Variants in PACRG observed in about 807,000 individuals in gnomAD.
PACRG encodes parkin coregulated gene protein.
In PACRG, 29 loss-of-function variants were observed where a neutral mutation model predicts 29.7. The observed-to-expected ratio is 0.98, with a 90% CI of 0.73 to 1.33. The LOEUF is 1.33. Among genes scored for constraint, PACRG ranks in the 40% most tolerant of loss-of-function variants. The pLI is 0.00. For synonymous variants in PACRG, 116 were observed against 118.7 expected (o/e 0.98, Z 0.15); for missense variants, 279 against 316.2 (o/e 0.88, Z 0.89).
chr6:162,962,223 A>G (rs1352213954), intron 2 of PACRG, among the ~76,000 whole-genome samples: 2 of 152,108 alleles, frequency 1.3e-5, no homozygotes, highest in East Asian at 1.9e-4. Context: ...GTCCATCTCT[A>G]TGCCTAATGC....
chr6:162,827,992 T>C (rs934808571), intron 2 of PACRG, among the ~76,000 whole-genome samples: 2 of 152,190 alleles, frequency 1.3e-5, no homozygotes, highest in African/African-American at 4.8e-5. Context: ...GCAGAAGAAC[T>C]GGAGCAGGGT....
intron 2 of PACRG, among the ~76,000 whole-genome samples, chr6:163,054,995 T>C (rs1810430502): frequency 1.3e-5 from 2 of 152,228 alleles, no homozygotes; most frequent in South Asian, 2.1e-4. Context: ...ACCAGGTCAA[T>C]TGTGCTGTGC....
intron 2 of PACRG, among the ~76,000 whole-genome samples, chr6:162,816,378 A>T (rs1787339919): frequency 6.6e-6 from 1 of 152,152 alleles, no homozygotes; most frequent in Non-Finnish European, 1.5e-5. Context: ...TTTGAGACGG[A>T]GTCTCGCTCT....
In PACRG at chr6:162,779,514, T is replaced by G. The variant is rs1281556847; in HGVS notation, c.157-34633T>G. ...AGAGAAAATTCACTTTTATTTGAAC[T>G]GCTCTTTACTCCTCTGAGGCTTCCC... On this transcript the variant is annotated intron_variant, in intron 1 of 4. Transcript: ENST00000366888. 3.9e-5 allele frequency among the ~76,000 whole-genome samples: 6 copies of G among 152,220 alleles called. No homozygotes were observed. In the East Asian group the frequency reaches 7.7e-4, roughly 20 times the overall value.
At chr6:163,186,916 C>G (rs1779966185) in intron 4 of PACRG, among the ~76,000 whole-genome samples, 1 of 152,320 alleles carries the variant, frequency 6.6e-6, no homozygotes, top group Admixed American at 6.5e-5. Flanking sequence ...TGGGGGCATC[C>G]ACTCCTGGGG....
At chr6:163,140,579 G>A (rs1258327682) in intron 4 of PACRG, among the ~76,000 whole-genome samples, 1 of 152,160 alleles carries the variant, frequency 6.6e-6, no homozygotes, top group African/African-American at 2.4e-5. Context: ...GAGAAGGAGT[G>A]AAAGAAATGG....
chr6:163,072,559 G>A (rs950164160), intron 3 of PACRG, among the ~76,000 whole-genome samples: 12 of 152,068 alleles, frequency 7.9e-5, no homozygotes, highest in African/African-American at 2.7e-4. Context: ...ACGACAGAGC[G>A]CCCACTTTCA....
intron 2 of PACRG, among the ~76,000 whole-genome samples, chr6:162,967,663 C>G (rs560220338): frequency 2.0e-5 from 3 of 151,910 alleles, no homozygotes; most frequent in African/African-American, 7.2e-5. Flanking sequence ...CCTGCCACCA[C>G]GCCCGGCTAA....
At chr6:163,254,119 C>T (rs1783014040) in intron 4 of PACRG, among the ~76,000 whole-genome samples, 1 of 152,216 alleles carries the variant, frequency 6.6e-6, no homozygotes, top group South Asian at 2.1e-4. Context: ...GCAGCAATTT[C>T]AACATAGCCC....
chr6:163,105,440 A>G (rs1815328930), intron 4 of PACRG, among the ~76,000 whole-genome samples: 1 of 152,202 alleles, frequency 6.6e-6, no homozygotes, highest in Non-Finnish European at 1.5e-5. Flanking sequence ...CTCTGAAATT[A>G]TGCAGTTAAT....
chr6:163,049,821 T>G (rs1809807491), intron 2 of PACRG, among the ~76,000 whole-genome samples: 1 of 152,104 alleles, frequency 6.6e-6, no homozygotes, highest in South Asian at 2.1e-4. Context: ...AGGTAGTCAT[T>G]TATTTTTTAT....
At chr6:162,790,184 C>G (rs1316819002) in intron 1 of PACRG, among the ~76,000 whole-genome samples, 2 of 152,138 alleles carry the variant, frequency 1.3e-5, no homozygotes, top group Non-Finnish European at 2.9e-5. Flanking sequence ...CTTTATTTCC[C>G]TTGCATAATG....
intron 2 of PACRG, among the ~76,000 whole-genome samples, chr6:162,882,275 G>T (rs976410487): frequency 1.5e-5 from 2 of 129,720 alleles, no homozygotes; most frequent in Admixed American, 1.5e-4. Flanking sequence ...CTCCACCAAG[G>T]TTGGAGACCC....
chr6:162,835,932 T>A (rs1202665144), intron 2 of PACRG, among the ~76,000 whole-genome samples: 1 of 152,142 alleles, frequency 6.6e-6, no homozygotes, highest in Non-Finnish European at 1.5e-5. Flanking sequence ...AGGAAAAAAG[T>A]GGTTAAAAAT....
At chr6:162,818,698 C>T (rs1428175007) in intron 2 of PACRG, among the ~76,000 whole-genome samples, 1 of 152,184 alleles carries the variant, frequency 6.6e-6, no homozygotes, top group Non-Finnish European at 1.5e-5. Flanking sequence ...CTTTCACTTT[C>T]TAGGCATTTT....
At chr6:163,192,903 A>G (rs1780277919) in intron 4 of PACRG, among the ~76,000 whole-genome samples, 1 of 152,108 alleles carries the variant, frequency 6.6e-6, no homozygotes, top group Non-Finnish European at 1.5e-5. Context: ...GATCTGACAC[A>G]CTTCTTCACT....
intron 2 of PACRG, among the ~76,000 whole-genome samples, chr6:162,947,627 T>TAATC (rs1554313426): frequency 3.3e-5 from 2 of 61,114 alleles, no homozygotes; most frequent in Admixed American, 2.0e-4. Context: ...TATATATATA[T>TAATC]ATATATATAT....
chr6:163,130,865 T>A (rs1201449307), intron 4 of PACRG, among the ~76,000 whole-genome samples: 7 of 152,186 alleles, frequency 4.6e-5, no homozygotes. Flanking sequence ...TGTACTGAGT[T>A]GAAAAGTCTC....
At chr6:163,258,729 C>G (rs1004549173) in intron 4 of PACRG, among the ~76,000 whole-genome samples, 1 of 150,098 alleles carries the variant, frequency 6.7e-6, no homozygotes, top group Non-Finnish European at 1.5e-5. Flanking sequence ...TGCACTCCAG[C>G]CTGGGTGACA....
Sources: gnomAD v4.1 joint callset for allele counts (sites outside exome capture counted in the v4.1 genomes callset) on GRCh38, gnomAD v4.1.1 for gene constraint, MANE v1.5 for transcripts, NCBI Gene and HGNC (gene_info 2026-07-23, HGNC 2026-07-21) for gene names.